The following SP4 variants were observed in gnomAD, a reference collection of about 807,000 sequenced individuals.
SP4 encodes transcription factor Sp4.
SP4 carries 19 observed loss-of-function variants against 72.8 expected under a neutral mutation model. The ratio of observed to expected loss-of-function variants is 0.26; its 90% CI spans 0.18 to 0.38. The LOEUF (loss-of-function observed/expected upper bound fraction) is 0.38. Among genes scored for constraint, SP4 ranks in the 10% least tolerant of loss-of-function variants. SP4 has a pLI of 1.00. For missense variants in SP4, 1,008 were observed against 926.3 expected (o/e 1.09, Z -1.14); for synonymous variants, 395 against 333.1 (o/e 1.19, Z -2.02).
chr7:21,477,197 A>C lies in SP4; in HGVS notation c.1797A>C (p.Thr599=). The C allele has an allele frequency of 6.2e-7, 1 of 1,614,250 alleles. No homozygotes were observed. Among genetic ancestry groups the C allele is most frequent in the Non-Finnish European group, 8.5e-7 (1 of 1,180,026 alleles). ...GTGCTGTTAGTCCTGACCAACTCAC[A>C]CAAGTGCATTTGCAGCAAGGCCAGC... The part of the protein sequence containing the change: ...TIGAVSPDQL[T]QVHLQQGQQT... The change falls in exon 4 of 6, where the codon ACA becomes ACC. Residue 599 remains threonine, a synonymous_variant. Transcript: ENST00000222584.
At position 21,478,221 on chromosome 7, in the gene SP4, T is replaced by C. The variant is rs181733079; in HGVS notation, c.1907+914T>C. Among the ~76,000 whole-genome samples the C allele has an allele frequency of 7.5e-4, 114 of 152,364 alleles. 2 individuals carry two copies. Among genetic ancestry groups the C allele is most frequent in the Non-Finnish European group, 1.0e-4 (7 of 68,038 alleles). ...TTCATTCCTTTTTAGGGACAAATAATATTCCACTCTATGGATATACAATAT... is the reference window on the plus strand; with the variant it reads ...TTCATTCCTTTTTAGGGACAAATAACATTCCACTCTATGGATATACAATAT... On this transcript the variant is annotated intron_variant, in intron 4 of 5. Coordinates refer to ENST00000222584, the MANE Select transcript of SP4 (RefSeq NM_003112.5).
chr7:21,462,518 T>A (rs1310298694), intron 3 of SP4, among the ~76,000 whole-genome samples: 1 of 152,190 alleles, frequency 6.6e-6, no homozygotes, highest in East Asian at 1.9e-4. Context: ...AACCTGAATT[T>A]TGATATTTGT....
intron 3 of SP4, among the ~76,000 whole-genome samples, chr7:21,450,553 C>T (rs1193214694): frequency 6.6e-6 from 1 of 152,086 alleles, no homozygotes; most frequent in Admixed American, 6.6e-5. Flanking sequence ...GTCCTCCATA[C>T]AGCCACTTGT....
chr7:21,463,263 A>G (rs574711687), intron 3 of SP4, among the ~76,000 whole-genome samples: 1 of 152,318 alleles, frequency 6.6e-6, no homozygotes, highest in East Asian at 1.9e-4. Flanking sequence ...GTAAGGTGCA[A>G]GGAAAGGGGA....
intron 3 of SP4, among the ~76,000 whole-genome samples, chr7:21,464,209 G>A (rs1183640650): frequency 7.1e-6 from 1 of 140,628 alleles, no homozygotes; most frequent in African/African-American, 2.7e-5. Context: ...CCGTTCTCCT[G>A]CCTTAGCCTC....
intron 3 of SP4, among the ~76,000 whole-genome samples, chr7:21,459,390 A>G (rs1200334231): frequency 6.6e-6 from 1 of 152,164 alleles, no homozygotes. Flanking sequence ...AAGTGCTGGG[A>G]TTACAGGTGT....
intron 5 of SP4, among the ~76,000 whole-genome samples, chr7:21,506,613 C>T (rs1391565303): frequency 1.3e-5 from 2 of 152,204 alleles, no homozygotes; most frequent in Admixed American, 6.5e-5. Flanking sequence ...TTCTGCTTCT[C>T]TTCCTTTCTC....
At chr7:21,497,719 C>T (rs750371321) in intron 5 of SP4, among the ~76,000 whole-genome samples, 10 of 152,084 alleles carry the variant, frequency 6.6e-5, no homozygotes, top group Non-Finnish European at 1.2e-4. Context: ...AGCTGAGTTT[C>T]GGAATCTGGA....
Position 21,430,671 on chromosome 7 carries a change from T to C in SP4, c.1506T>C (p.Ser502=). 6.2e-7 allele frequency: 1 copy of C among 1,614,244 alleles called. No homozygotes were observed. Among genetic ancestry groups the C allele is most frequent in the Non-Finnish European group, 8.5e-7 (1 of 1,180,048 alleles). The change falls in exon 3 of 6, where the codon AGT becomes AGC. Residue 502 remains serine (S), a synonymous_variant. Transcript: ENST00000222584. Reference sequence around the variant, plus strand: ...TAACCATCACCCCAGTGTCTTCAAGTGGTGGCACAACTCTTGCTCAGATTG... The same window carrying C: ...TAACCATCACCCCAGTGTCTTCAAGCGGTGGCACAACTCTTGCTCAGATTG... ...QQLTITPVSS[S]GGTTLAQIAP...
intron 5 of SP4, among the ~76,000 whole-genome samples, chr7:21,486,807 G>A (rs921680403): frequency 6.6e-6 from 1 of 152,130 alleles, no homozygotes; most frequent in Non-Finnish European, 1.5e-5. Context: ...GACATTCAGG[G>A]GGAAGAGAAC....
intron 5 of SP4, among the ~76,000 whole-genome samples, chr7:21,503,519 A>G (rs1278839835): frequency 2.0e-5 from 3 of 152,084 alleles, no homozygotes; most frequent in Non-Finnish European, 4.4e-5. Context: ...TAATTTGTAA[A>G]CCTTCCATAA....
intron 5 of SP4, among the ~76,000 whole-genome samples, chr7:21,488,717 G>A (rs1784891198): frequency 6.6e-6 from 1 of 151,206 alleles, no homozygotes; most frequent in Admixed American, 6.6e-5. Context: ...ATGATCCCGT[G>A]AATAGCCACT....
intron 5 of SP4, among the ~76,000 whole-genome samples, chr7:21,494,896 CTG>C (rs1289020677): frequency 1.3e-5 from 2 of 152,174 alleles, no homozygotes. Context: ...CTAATCAACA[CTG>C]TGTAGTTTTG....
chr7:21,488,656 A>G (rs1013335126), intron 5 of SP4, among the ~76,000 whole-genome samples: 3 of 151,996 alleles, frequency 2.0e-5, no homozygotes, highest in Non-Finnish European at 4.4e-5. Flanking sequence ...GCTACTCAGG[A>G]GGCTGAGGCG....
At chr7:21,442,861 G>T (rs2128395246) in intron 3 of SP4, among the ~76,000 whole-genome samples, 1 of 152,220 alleles carries the variant, frequency 6.6e-6, no homozygotes, top group South Asian at 2.1e-4. Context: ...TCAGCCTCCT[G>T]AGTAGCTGAG....
intron 3 of SP4, among the ~76,000 whole-genome samples, chr7:21,432,498 C>T (rs1236659430): frequency 2.0e-5 from 3 of 152,224 alleles, no homozygotes; most frequent in Non-Finnish European, 4.4e-5. Context: ...AATTTTTCTG[C>T]TCTCTAGTTG....
chr7:21,454,048 G>T (rs896206662), intron 3 of SP4, among the ~76,000 whole-genome samples: 3 of 151,972 alleles, frequency 2.0e-5, no homozygotes, highest in African/African-American at 7.3e-5. Flanking sequence ...TTTTTCAGTA[G>T]TCTCAAGTAC....
intron 5 of SP4, among the ~76,000 whole-genome samples, chr7:21,508,306 CT>C (rs1345627106): frequency 7.9e-5 from 12 of 152,202 alleles, no homozygotes; most frequent in Admixed American, 5.2e-4. Flanking sequence ...GGAAGCGAGA[CT>C]TTTAATGGTG....
chr7:21,466,617 C>A (rs909089202), intron 3 of SP4, among the ~76,000 whole-genome samples: 3 of 152,114 alleles, frequency 2.0e-5, no homozygotes, highest in African/African-American at 4.8e-5. Context: ...TGTTGATAGT[C>A]CTGGAAGTCA....
Sources: allele counts gnomAD v4.1 joint callset (sites outside exome capture counted in the v4.1 genomes callset), GRCh38; gene constraint gnomAD v4.1.1; transcripts MANE v1.5; gene names NCBI Gene and HGNC (gene_info 2026-07-23, HGNC 2026-07-21).